The following DNM3 variants were observed in gnomAD, a reference collection of about 807,000 sequenced individuals.
DNM3 encodes the protein dynamin 3, also known as dynamin-3.
In DNM3, 47 loss-of-function variants were observed where a neutral mutation model predicts 101.6. The ratio of observed to expected loss-of-function variants is 0.46; its 90% CI spans 0.37 to 0.59. The LOEUF is 0.59. Ranked by LOEUF, DNM3 falls within the 20% of genes least tolerant of loss-of-function variation. DNM3 has a pLI of 0.00. For missense variants in DNM3, 849 were observed against 1,085.7 expected (o/e 0.78, Z 3.06); for synonymous variants, 385 against 387.9 (o/e 0.99, Z 0.09).
chr1:171,989,517 A>G (rs1558383091), intron 4 of DNM3, among the ~76,000 whole-genome samples: 1 of 152,154 alleles, frequency 6.6e-6, no homozygotes, highest in Non-Finnish European at 1.5e-5. Context: ...AGTTACCTGC[A>G]TATGCTTCCA....
chr1:172,337,660 T>C (rs2066488231), intron 17 of DNM3, among the ~76,000 whole-genome samples: 2 of 152,142 alleles, frequency 1.3e-5, no homozygotes, highest in South Asian at 2.1e-4. Flanking sequence ...CAATGTTCAG[T>C]TGGGAACACT....
chr1:172,197,847 G>T (rs1278858350), intron 14 of DNM3, among the ~76,000 whole-genome samples: 2 of 151,608 alleles, frequency 1.3e-5, no homozygotes, highest in Non-Finnish European at 1.5e-5. Context: ...GAATAATGTT[G>T]TCTGCCAATA....
At chr1:171,886,924 A>C (rs1363909390) in intron 1 of DNM3, among the ~76,000 whole-genome samples, 2 of 152,236 alleles carry the variant, frequency 1.3e-5, no homozygotes, top group Non-Finnish European at 2.9e-5. Context: ...GTCATTATAC[A>C]ATTCCTTAGA....
At chr1:172,056,727 A>T (rs1218629214) in intron 10 of DNM3, among the ~76,000 whole-genome samples, 3 of 152,106 alleles carry the variant, frequency 2.0e-5, no homozygotes, top group African/African-American at 7.2e-5. Flanking sequence ...AGTAGATAAA[A>T]CCACAAAGAT....
At chr1:172,313,358 C>T (rs181107592) in intron 16 of DNM3, among the ~76,000 whole-genome samples, 5 of 152,240 alleles carry the variant, frequency 3.3e-5, no homozygotes, top group African/African-American at 7.2e-5. Flanking sequence ...TTTATTGACA[C>T]GTACGTAAAT....
chr1:171,989,194 G>T (rs1476572228), intron 4 of DNM3, 46 bp downstream of exon 4: 1 of 1,556,712 alleles, frequency 6.4e-7, no homozygotes, highest in African/African-American at 1.4e-5. Context: ...AGTGTCAGGA[G>T]TTTTGGTATC....
intron 15 of DNM3, among the ~76,000 whole-genome samples, chr1:172,303,518 A>T (rs2064583192): frequency 6.6e-6 from 1 of 152,178 alleles, no homozygotes. Flanking sequence ...AAATTCAGGA[A>T]ATACAGAGAA....
At chr1:172,078,465 AT>A (rs1490530509) in intron 11 of DNM3, among the ~76,000 whole-genome samples, 4 of 142,896 alleles carry the variant, frequency 2.8e-5, no homozygotes, top group Non-Finnish European at 6.1e-5. Flanking sequence ...TTTTCTTTCC[AT>A]TTGCTTGGTA....
intron 15 of DNM3, among the ~76,000 whole-genome samples, chr1:172,283,780 A>AAAAAAAAAAAAAAAAAAAAAAAAG (rs1553221113): frequency 4.2e-5 from 5 of 119,078 alleles, no homozygotes; most frequent in African/African-American, 1.7e-4. Flanking sequence ...AAAAAAAAAA[A>AAAAAAAAAAAAAAAAAAAAAAAAG]AAAGAAAGAA....
At chr1:172,240,724 A>T (rs972063975) in intron 14 of DNM3, among the ~76,000 whole-genome samples, 1 of 152,216 alleles carries the variant, frequency 6.6e-6, no homozygotes, top group Non-Finnish European at 1.5e-5. Flanking sequence ...CATAAGTCAG[A>T]GTTGAAAGAC....
intron 14 of DNM3, among the ~76,000 whole-genome samples, chr1:172,200,255 G>A (rs907448645): frequency 6.6e-6 from 1 of 152,044 alleles, no homozygotes; most frequent in African/African-American, 2.4e-5. Flanking sequence ...TGGCTTATAG[G>A]GTTTCAGCTG....
At chr1:172,112,244 C>T (rs569285552) in intron 13 of DNM3, among the ~76,000 whole-genome samples, 4 of 152,282 alleles carry the variant, frequency 2.6e-5, no homozygotes, top group Admixed American at 6.5e-5. Flanking sequence ...TTCACAACGA[C>T]CTTATGGTCT....
chr1:172,046,188 A>G (rs2049780639), intron 9 of DNM3, among the ~76,000 whole-genome samples: 1 of 152,190 alleles, frequency 6.6e-6, no homozygotes, highest in Non-Finnish European at 1.5e-5. Context: ...GGATTAAGAA[A>G]ATGTGGCACA....
At chr1:172,373,789 A>G (rs2068471150) in intron 17 of DNM3, among the ~76,000 whole-genome samples, 1 of 152,078 alleles carries the variant, frequency 6.6e-6, no homozygotes, top group South Asian at 2.1e-4. Context: ...AAAAGAAAAA[A>G]AACTCCAGAC....
intron 1 of DNM3, among the ~76,000 whole-genome samples, chr1:171,842,338 G>A (rs1466312299): frequency 6.6e-6 from 1 of 152,038 alleles, no homozygotes; most frequent in Admixed American, 6.5e-5. Context: ...CAGGGTTCTC[G>A]TTCCTCTCAG....
chr1:172,203,411 G>A (rs771614603), intron 14 of DNM3, among the ~76,000 whole-genome samples: 2 of 152,128 alleles, frequency 1.3e-5, no homozygotes, highest in African/African-American at 2.4e-5. Flanking sequence ...GTGGTTTTTG[G>A]TCGCTGAACT....
At chr1:171,856,591 C>T (rs2033636967) in intron 1 of DNM3, among the ~76,000 whole-genome samples, 1 of 152,120 alleles carries the variant, frequency 6.6e-6, no homozygotes, top group Non-Finnish European at 1.5e-5. Context: ...TCTTCCACCT[C>T]CCTGGTTAGC....
At chr1:172,265,599 A>G (rs1355210275) in intron 15 of DNM3, among the ~76,000 whole-genome samples, 2 of 152,186 alleles carry the variant, frequency 1.3e-5, no homozygotes, top group African/African-American at 4.8e-5. Flanking sequence ...ACAGACTCCT[A>G]AAGTTCACTG....
Position 172,319,648 on chromosome 1 carries a change from C to T in DNM3, c.1882-3681C>T, listed in dbSNP as rs1273058183. On this transcript the variant is annotated intron_variant, in intron 16 of 20. Transcript: ENST00000627582. ...ATGAAAAAATGCTCATCATCACTGG[C>T]CATCAGAGAAATGCAAATCAAAACC... Among the ~76,000 whole-genome samples, 982 of 152,234 alleles carry T rather than the reference C, an allele frequency of 6.5e-3. 8 individuals are homozygous for T. The highest frequency in any genetic ancestry group is 0.022 in the African/African-American group (930 of 41,538).
Sources: gnomAD v4.1 joint callset for allele counts (sites outside exome capture counted in the v4.1 genomes callset) on GRCh38, gnomAD v4.1.1 for gene constraint, MANE v1.5 for transcripts, NCBI Gene and HGNC (gene_info 2026-07-23, HGNC 2026-07-21) for gene names.